The following TMEM71 variants were observed in gnomAD, a reference collection of about 807,000 sequenced individuals.
The protein encoded by TMEM71 is transmembrane protein 71.
TMEM71 carries 44 observed loss-of-function variants against 38.0 expected under a neutral mutation model. The ratio of observed to expected loss-of-function variants is 1.16; its 90% CI spans 0.91 to 1.49. TMEM71 has a LOEUF of 1.49. TMEM71 is among the 40% of genes most tolerant of loss of function. The probability of loss-of-function intolerance (pLI) is 0.00; values close to 1 mark genes in which losing one functional copy is unlikely to be tolerated. For missense variants in TMEM71, 367 were observed against 348.6 expected (o/e 1.05, Z -0.42); for synonymous variants, 133 against 122.5 (o/e 1.09, Z -0.56).
intron 3 of TMEM71, among the ~76,000 whole-genome samples, chr8:132,754,366 C>T (rs1217279031): frequency 6.6e-6 from 1 of 152,130 alleles, no homozygotes; most frequent in East Asian, 1.9e-4. Flanking sequence ...TGTACCTTTC[C>T]TCTCTTAGAC....
the TMEM71 span, among the ~76,000 whole-genome samples, chr8:132,767,478 G>GTTT: frequency 3.6e-5 from 5 of 137,502 alleles, no homozygotes; most frequent in Non-Finnish European, 4.7e-5. Flanking sequence ...TACCTCTTTG[G>GTTT]TTTTTTTTTT....
intron 5 of TMEM71, among the ~76,000 whole-genome samples, chr8:132,746,366 C>CATATATATACAT (rs1168929632): frequency 1.5e-4 from 3 of 20,652 alleles, no homozygotes; most frequent in Admixed American, 1.5e-3. Flanking sequence ...TATACACACA[C>CATATATATACAT]ATATATATAC....
intron 6 of TMEM71, among the ~76,000 whole-genome samples, chr8:132,726,824 T>C (rs1023892875): frequency 6.6e-6 from 1 of 152,138 alleles, no homozygotes. Flanking sequence ...TTAAAGGATG[T>C]TCTTTTTGTT....
chr8:132,772,950 T>G, the TMEM71 span, among the ~76,000 whole-genome samples: 6 of 152,176 alleles, frequency 3.9e-5, no homozygotes, highest in African/African-American at 1.4e-4. Flanking sequence ...CTTGATAATG[T>G]TCAGAAAAAA....
At chr8:132,732,460 G>C (rs565948844) in intron 5 of TMEM71, among the ~76,000 whole-genome samples, 16 of 152,264 alleles carry the variant, frequency 1.1e-4, no homozygotes, top group Non-Finnish European at 2.4e-4. Flanking sequence ...TGTGCATGAG[G>C]TCAGTCCCAG....
At chr8:132,742,216 T>C (rs972275713) in intron 5 of TMEM71, among the ~76,000 whole-genome samples, 2 of 152,248 alleles carry the variant, frequency 1.3e-5, no homozygotes, top group Non-Finnish European at 2.9e-5. Context: ...ATCTAAGATC[T>C]ATATCTGGTA....
the TMEM71 span, among the ~76,000 whole-genome samples, chr8:132,769,158 G>T: frequency 1.3e-5 from 2 of 152,200 alleles, no homozygotes; most frequent in South Asian, 4.1e-4. Context: ...AAACTATAAA[G>T]AAGTGTAAGG....
rs1209450106 is a variant in TMEM71, at chr8:132,721,959, G to C, written c.752+81C>G. 9 of 1,244,396 alleles carry C rather than the reference G, an allele frequency of 7.2e-6. No individual in the cohort carries two copies. In the Admixed American group the frequency reaches 1.5e-4, roughly 21 times the overall value. The allele number at this position is 1,244,396 out of a possible 1,614,324, so 77.1% of individuals were successfully genotyped here. On this transcript the variant is annotated intron_variant, in intron 7 of 9. Transcript: ENST00000677595. ...ACAGAGCTACCTAAAATGTTTTGTG[G>C]AATAAGGCAAGGAAATCATCAATCA...
At chr8:132,761,904 C>T (rs563891383), upstream of TMEM71, among the ~76,000 whole-genome samples, 1 of 152,286 alleles carries the variant, frequency 6.6e-6, no homozygotes, top group Admixed American at 6.5e-5. Context: ...CAGCCAAAAA[C>T]CAAGTGTGTG....
the TMEM71 span, chr8:132,775,376 C>A: frequency 1.9e-5 from 7 of 366,040 alleles, no homozygotes; most frequent in Non-Finnish European, 3.4e-5. Flanking sequence ...CGCCGGGGCC[C>A]GGCGTCGCGT....
chr8:132,748,087 T>C, intron 4 of TMEM71, among the ~76,000 whole-genome samples: 1 of 152,230 alleles, frequency 6.6e-6, no homozygotes, highest in East Asian at 1.9e-4. Context: ...CAAAAAATAC[T>C]GAGGGCCTGA....
intron 7 of TMEM71, 115 bp from the exon 8 acceptor site, chr8:132,714,330 A>T: frequency 1.3e-6 from 1 of 795,838 alleles, no homozygotes; most frequent in Non-Finnish European, 2.1e-6. Context: ...AAACTACAGT[A>T]ATAAAGACAG....
At chr8:132,759,310 C>T (rs1829201483) in intron 1 of TMEM71, 1 of 156,700 alleles carries the variant, frequency 6.4e-6, no homozygotes, top group Non-Finnish European at 1.4e-5. Context: ...GTATTTTAAT[C>T]ATCTGACACA....
downstream of TMEM71, among the ~76,000 whole-genome samples, chr8:132,708,622 G>T (rs1230125362): frequency 1.3e-5 from 2 of 152,184 alleles, no homozygotes; most frequent in Non-Finnish European, 2.9e-5. Flanking sequence ...CTTAGCCATT[G>T]GGTCCTGGAA....
chr8:132,751,757 A>G lies in TMEM71; in HGVS notation c.314+28T>C, dbSNP rs533662110. On this transcript the variant is annotated intron_variant, in intron 4 of 9. Coordinates refer to ENST00000677595, the MANE Select transcript of TMEM71 (RefSeq NM_001382403.1). ...AATTAATGGATGGATTGGACTTCAG[A>G]TTTCTTTCTGTAATATGCTCTGCTT... 78 of 1,595,452 alleles carry G rather than the reference A, an allele frequency of 4.9e-5. No homozygotes were observed. In the East Asian group the frequency reaches 1.7e-3, roughly 36 times the overall value.
At chr8:132,757,376 T>G in intron 2 of TMEM71, 82 bp from the exon 3 acceptor site, 1 of 1,086,124 alleles carries the variant, frequency 9.2e-7, no homozygotes, top group Non-Finnish European at 1.4e-6. Context: ...TCAATATGTA[T>G]AATTGCAAAC....
chr8:132,760,903 T>C (rs376438629), upstream of TMEM71, among the ~76,000 whole-genome samples: 9 of 152,334 alleles, frequency 5.9e-5, 1 homozygote, highest in African/African-American at 2.2e-4. Flanking sequence ...TATGGCCACA[T>C]TCAGTTATAA....
At chr8:132,729,933 T>G (rs968177140) in intron 5 of TMEM71, among the ~76,000 whole-genome samples, 1 of 152,068 alleles carries the variant, frequency 6.6e-6, no homozygotes, top group Non-Finnish European at 1.5e-5. Flanking sequence ...CGCCAACACT[T>G]TATAAGTAAG....
At chr8:132,744,690 A>G (rs2467968) in intron 5 of TMEM71, among the ~76,000 whole-genome samples, 45,540 of 152,160 alleles carry the variant, frequency 0.3, 7,012 homozygotes, top group Non-Finnish European at 0.33. Context: ...TTTAAATTTC[A>G]TGTGGTACCA....
Sources: gnomAD v4.1 joint callset for allele counts (sites outside exome capture counted in the v4.1 genomes callset) on GRCh38, gnomAD v4.1.1 for gene constraint, MANE v1.5 for transcripts, NCBI Gene and HGNC (gene_info 2026-07-23, HGNC 2026-07-21) for gene names.